The following SETD5 variants were observed in gnomAD, a reference collection of about 807,000 sequenced individuals.
SETD5 encodes the protein SET domain containing 5, also known as histone-lysine N-methyltransferase SETD5.
A neutral mutation model predicts 153.3 loss-of-function variants in SETD5; 44 were observed. The ratio of observed to expected loss-of-function variants is 0.29; its 90% CI spans 0.23 to 0.37. SETD5 has a LOEUF of 0.37. Among genes scored for constraint, SETD5 ranks in the 10% least tolerant of loss-of-function variants. SETD5 has a pLI of 1.00. For missense variants in SETD5, 1,544 were observed against 1,768.0 expected (o/e 0.87, Z 2.27); for synonymous variants, 716 against 645.2 (o/e 1.11, Z -1.66).
chr3:9,474,728 C>T, intron 21 of SETD5, 146 bp downstream of exon 21: 1 of 1,096,962 alleles, frequency 9.1e-7, no homozygotes, highest in Non-Finnish European at 1.3e-6. Context: ...CACTTATGCT[C>T]ATTTGGGCTA....
intron 17 of SETD5, among the ~76,000 whole-genome samples, chr3:9,461,180 A>G (rs1242857447): frequency 2.0e-5 from 3 of 152,140 alleles, no homozygotes; most frequent in Non-Finnish European, 4.4e-5. Flanking sequence ...CTAAATATAA[A>G]CTACACATAT....
intron 3 of SETD5, chr3:9,429,460 C>T (rs1349854957): frequency 1.2e-5 from 2 of 163,768 alleles, no homozygotes; most frequent in Admixed American, 1.2e-4. Context: ...CCTAGACCTT[C>T]TGACATCTGG....
At chr3:9,428,318 T>A (rs896249482) in intron 2 of SETD5, among the ~76,000 whole-genome samples, 1 of 152,144 alleles carries the variant, frequency 6.6e-6, no homozygotes, top group Non-Finnish European at 1.5e-5. Flanking sequence ...CTGTTTCCAA[T>A]CAAGTATAAA....
intron 2 of SETD5, among the ~76,000 whole-genome samples, chr3:9,428,031 G>GT (rs2039517350): frequency 6.6e-6 from 1 of 151,972 alleles, no homozygotes; most frequent in African/African-American, 2.4e-5. Context: ...TGATTTCGGG[G>GT]GTTTTTTTGT....
chr3:9,447,104 A>G lies in SETD5; in HGVS notation c.1579A>G (p.Lys527Glu). 6.2e-7 allele frequency: 1 copy of G among 1,613,934 alleles called. No homozygotes were observed. Among genetic ancestry groups the G allele is most frequent in the Non-Finnish European group, 8.5e-7 (1 of 1,179,864 alleles). Residue 527 changes from lysine to glutamate, a missense_variant, in exon 14 of 23, where the codon AAA becomes GAA. Physicochemically the swap from Lys to Glu is moderately conservative, Grantham distance 56 (BLOSUM62 1). This residue lies in a region of SETD5 where 782 missense variants were observed against 787.2 expected (regional missense o/e 0.99). Coordinates refer to ENST00000402198, the MANE Select transcript of SETD5 (RefSeq NM_001080517.3). ...AIMHAFENLE[K>E]RKKRRDQPLE... ...CATGCATGCTTTTGAAAACTTAGAG[A>G]AAAGAAAGAAGCGGCGGGATCAGCC...
At chr3:9,468,849 G>A (rs930365178) in intron 18 of SETD5, among the ~76,000 whole-genome samples, 1 of 151,918 alleles carries the variant, frequency 6.6e-6, no homozygotes, top group African/African-American at 2.4e-5. Context: ...TTGCCGTTTG[G>A]GGGAGGGGGT....
chr3:9,409,982 T>C (rs911375527), intron 1 of SETD5, among the ~76,000 whole-genome samples: 4 of 152,224 alleles, frequency 2.6e-5, no homozygotes, highest in Non-Finnish European at 5.9e-5. Context: ...TGTTTTCTCA[T>C]GTCTTTTTGC....
intron 17 of SETD5, among the ~76,000 whole-genome samples, chr3:9,455,173 T>C (rs866914446): frequency 0.07 from 9,669 of 138,760 alleles, 271 homozygotes; most frequent in Middle Eastern, 0.13. Context: ...TTTTTCTTTT[T>C]TTTTTTTTTT....
Position 9,448,439 on chromosome 3 carries a change from G to T in SETD5, c.2155G>T (p.Val719Phe), listed in dbSNP as rs762653950. Residue 719 changes from valine (V) to phenylalanine (F), a missense_variant, in exon 16 of 23, where the codon GTT (valine) becomes TTT (phenylalanine). Coordinates refer to ENST00000402198, the MANE Select transcript of SETD5 (RefSeq NM_001080517.3). ...CAAAGCAGAGAAGCAAGAGTGCCCT[G>T]TTGAGTGCCCTTTACGTATCACAAC... ...NDKAEKQECP[V>F]ECPLRITTDP... 5 of 1,613,884 alleles carry T rather than the reference G, an allele frequency of 3.1e-6. No homozygotes were observed. The African/African-American group carries it at 6.7e-5, about 22-fold the overall frequency.
At position 9,408,701 on chromosome 3, in the gene SETD5, GT is replaced by G. The variant is rs2036102480; in HGVS notation, c.-177+10726del. Among the ~76,000 whole-genome samples the G allele has an allele frequency of 1.3e-5, 2 of 152,056 alleles. 1 individual carries two copies. Among genetic ancestry groups the G allele is most frequent in the South Asian group, 4.1e-4 (2 of 4,826 alleles). On this transcript the variant is annotated intron_variant, in intron 1 of 22. Coordinates refer to ENST00000402198, the MANE Select transcript of SETD5 (RefSeq NM_001080517.3). ...ATAGTACTGTGTATTTCCATTAAGA[GT>G]TACATAATTTCTGCTTGTCTGTGTA...
At chr3:9,431,083 T>C in intron 3 of SETD5, 1 of 985,480 alleles carries the variant, frequency 1.0e-6, no homozygotes, top group Non-Finnish European at 1.2e-6. Context: ...TGGTATTAAG[T>C]GCAGCATACT....
In SETD5 at chr3:9,398,859, C is replaced by T. The variant is rs1041380748; in HGVS notation, c.-177+882C>T. On this transcript the variant is annotated intron_variant, in intron 1 of 22. Transcript: ENST00000402198. ...TTGATTCTATAGAGTCCTTGCTTGTCTCACTTCTTGGGCGTCAGTGGTCTT... is the reference window on the plus strand; with the variant it reads ...TTGATTCTATAGAGTCCTTGCTTGTTTCACTTCTTGGGCGTCAGTGGTCTT... 2.0e-5 allele frequency among the ~76,000 whole-genome samples: 3 copies of T among 152,332 alleles called. No homozygotes were observed. In the East Asian group the frequency reaches 5.8e-4, roughly 29 times the overall value.
intron 1 of SETD5, among the ~76,000 whole-genome samples, chr3:9,408,538 A>G (rs1283111883): frequency 6.6e-6 from 1 of 152,196 alleles, no homozygotes; most frequent in Admixed American, 6.5e-5. Context: ...TTGTTAAAGA[A>G]ATTCATTATT....
chr3:9,414,598 G>A (rs1188181311), intron 1 of SETD5, among the ~76,000 whole-genome samples: 1 of 152,094 alleles, frequency 6.6e-6, no homozygotes, highest in Non-Finnish European at 1.5e-5. Context: ...TGGCTAAATA[G>A]GTAATGGTCC....
rs142434169 is a variant in SETD5 at position 9,454,524 on chromosome 3, G to T, written c.2476+656G>T. ...ATCCCTCCCTAAACAGGAGGCTGAG[G>T]CAGTGGAGAATCACTTGAACCCGGG... On this transcript the variant is annotated intron_variant, in intron 17 of 22. Coordinates refer to ENST00000402198, the MANE Select transcript of SETD5 (RefSeq NM_001080517.3). Among the ~76,000 whole-genome samples the T allele has an allele frequency of 2.6e-4, 39 of 149,420 alleles. No homozygotes were observed. In the East Asian group the frequency reaches 7.7e-3, roughly 30 times the overall value.
Position 9,475,473 on chromosome 3 carries a change from C to A in SETD5, c.3721-10C>A. The A allele has an allele frequency of 6.3e-7, 1 of 1,599,208 alleles. No individual in the cohort carries two copies. ...CGCGTCCTTATTCGTTTCCTCCCAA[C>A]TTTGTCTAGCTCCTGCAGTGTGATA... On this transcript the variant is annotated splice_polypyrimidine_tract_variant and intron_variant, in intron 22 of 22. Transcript: ENST00000402198.
chr3:9,471,869 A>G (rs550815377), intron 19 of SETD5, among the ~76,000 whole-genome samples: 1 of 152,272 alleles, frequency 6.6e-6, no homozygotes, highest in African/African-American at 2.4e-5. Context: ...TTGAAATGAA[A>G]CCTAGTGGTT....
At chr3:9,455,818 T>C (rs1020631891) in intron 17 of SETD5, among the ~76,000 whole-genome samples, 9 of 152,192 alleles carry the variant, frequency 5.9e-5, no homozygotes, top group African/African-American at 1.9e-4. Context: ...AAAGTGTCTT[T>C]GTTATCACAT....
chr3:9,432,773 T>C (rs1380481478), intron 3 of SETD5, among the ~76,000 whole-genome samples: 1 of 152,222 alleles, frequency 6.6e-6, no homozygotes. Context: ...AATACATGTA[T>C]AATTCTACAA....
Sources: allele counts gnomAD v4.1 joint callset (sites outside exome capture counted in the v4.1 genomes callset), GRCh38; gene constraint gnomAD v4.1.1; regional missense constraint gnomAD v4.1.1; transcripts MANE v1.5; gene names NCBI Gene and HGNC (gene_info 2026-07-23, HGNC 2026-07-21).